The following SPOCK1 variants were observed in gnomAD, a reference collection of about 807,000 sequenced individuals.
SPOCK1 encodes SPARC (osteonectin), cwcv and kazal like domains proteoglycan 1.
In SPOCK1, 23 loss-of-function variants were observed where a neutral mutation model predicts 55.3. The ratio of observed to expected loss-of-function variants is 0.42; its 90% CI spans 0.30 to 0.59. The LOEUF (loss-of-function observed/expected upper bound fraction) is 0.59. SPOCK1 is among the 20% of genes least tolerant of loss of function. The pLI is 0.22. For missense variants in SPOCK1, 499 were observed against 552.5 expected (o/e 0.90, Z 0.97); for synonymous variants, 226 against 221.0 (o/e 1.02, Z -0.20).
At chr5:137,340,497 AAATAAG>A (rs1461382013) in intron 2 of SPOCK1, among the ~76,000 whole-genome samples, 1 of 152,206 alleles carries the variant, frequency 6.6e-6, no homozygotes, top group Non-Finnish European at 1.5e-5. Context: ...TGCACCTGTG[AAATAAG>A]AATAACTGTA....
At chr5:136,979,585 A>T in intron 9 of SPOCK1, 116 bp from the exon 10 acceptor site, 4 of 1,356,490 alleles carry the variant, frequency 2.9e-6, no homozygotes, top group Middle Eastern at 1.9e-4. Context: ...CAGGGTCAGC[A>T]GCAGAGGATG....
chr5:137,290,171 C>T (rs555362719), intron 2 of SPOCK1, among the ~76,000 whole-genome samples: 1 of 152,064 alleles, frequency 6.6e-6, no homozygotes, highest in African/African-American at 2.4e-5. Context: ...CAGAAATACT[C>T]AAAATTACCC....
At chr5:136,993,801 A>G (rs1296738570) in intron 6 of SPOCK1, among the ~76,000 whole-genome samples, 2 of 152,308 alleles carry the variant, frequency 1.3e-5, no homozygotes, top group Middle Eastern at 3.4e-3. Context: ...AGGGACAGTG[A>G]TGAAAAAGGA....
At chr5:137,020,016 A>C (rs67407292) in intron 6 of SPOCK1, among the ~76,000 whole-genome samples, 5,927 of 152,010 alleles carry the variant, frequency 0.039, 421 homozygotes, top group African/African-American at 0.14. Context: ...TATGCATGCC[A>C]AAATCTCTGG....
At position 137,035,601 on chromosome 5, in the gene SPOCK1, G is replaced by A. The variant is rs1751869119; in HGVS notation, c.589+32114C>T. Among the ~76,000 whole-genome samples, 3 of 152,110 alleles carry A rather than the reference G, an allele frequency of 2.0e-5. No individual in the cohort carries two copies. The South Asian group carries it at 6.2e-4, about 32-fold the overall frequency. Reference sequence around the variant, plus strand: ...TCTGCCAGACCATCCCTCAGGGTGGGGCTTCCAGTCTGAGACTCCTTGGAG... The same window carrying A: ...TCTGCCAGACCATCCCTCAGGGTGGAGCTTCCAGTCTGAGACTCCTTGGAG... On this transcript the variant is annotated intron_variant, in intron 6 of 10. Coordinates refer to ENST00000394945, the MANE Select transcript of SPOCK1 (RefSeq NM_004598.4).
At chr5:137,213,304 C>T (rs1388130693) in intron 3 of SPOCK1, among the ~76,000 whole-genome samples, 1 of 152,178 alleles carries the variant, frequency 6.6e-6, no homozygotes, top group African/African-American at 2.4e-5. Flanking sequence ...CCCGAGGTCA[C>T]ATAACAAGTA....
intron 6 of SPOCK1, among the ~76,000 whole-genome samples, chr5:137,008,628 A>T (rs1022914170): frequency 7.9e-5 from 12 of 152,178 alleles, no homozygotes; most frequent in Admixed American, 5.2e-4. Context: ...ACAGATAAGA[A>T]GGCAAATGCT....
intron 5 of SPOCK1, among the ~76,000 whole-genome samples, chr5:137,081,632 C>T (rs779012973): frequency 3.3e-5 from 5 of 152,142 alleles, no homozygotes; most frequent in Non-Finnish European, 5.9e-5. Context: ...CCAACAGAAA[C>T]GAAACCACAG....
intron 3 of SPOCK1, among the ~76,000 whole-genome samples, chr5:137,220,442 G>A (rs550623799): frequency 3.3e-5 from 5 of 152,282 alleles, no homozygotes; most frequent in Admixed American, 6.5e-5. Flanking sequence ...CACACGCAAG[G>A]AACTGTACTT....
chr5:137,435,801 A>ATT (rs71583280), intron 2 of SPOCK1, among the ~76,000 whole-genome samples: 28 of 149,058 alleles, frequency 1.9e-4, no homozygotes, highest in African/African-American at 2.7e-4. Flanking sequence ...TTTTTCTTAG[A>ATT]TTTTTTTTTT....
At chr5:136,992,924 A>G in intron 6 of SPOCK1, 1 of 218,698 alleles carries the variant, frequency 4.6e-6, no homozygotes, top group East Asian at 1.0e-4. Flanking sequence ...TGCTAACCGC[A>G]TAAAGCTTGC....
chr5:137,476,789 G>A (rs1184373006), intron 2 of SPOCK1, among the ~76,000 whole-genome samples: 1 of 152,144 alleles, frequency 6.6e-6, no homozygotes. Context: ...GCCAGGCATG[G>A]AGGCAGGTGT....
chr5:137,004,818 T>C (rs1007505055), intron 6 of SPOCK1, among the ~76,000 whole-genome samples: 10 of 152,086 alleles, frequency 6.6e-5, no homozygotes, highest in Non-Finnish European at 1.5e-4. Context: ...AAAAACACAA[T>C]GACCCAGCAA....
At chr5:137,074,817 T>G (rs1416989863) in intron 5 of SPOCK1, among the ~76,000 whole-genome samples, 3 of 151,822 alleles carry the variant, frequency 2.0e-5, no homozygotes, top group Non-Finnish European at 2.9e-5. Context: ...CCATTCTCCT[T>G]TCTCAGCCTC....
intron 4 of SPOCK1, among the ~76,000 whole-genome samples, chr5:137,137,644 A>G (rs989733176): frequency 4.6e-5 from 7 of 152,118 alleles, no homozygotes; most frequent in African/African-American, 1.4e-4. Context: ...CAGAAATCCC[A>G]TCATCTTCTT....
intron 3 of SPOCK1, among the ~76,000 whole-genome samples, chr5:137,141,938 G>C (rs552475449): frequency 6.6e-5 from 10 of 152,216 alleles, no homozygotes; most frequent in Non-Finnish European, 8.8e-5. Context: ...CTGAGCAGCA[G>C]GTCCTCAGCT....
At chr5:137,376,353 G>C (rs1275135864) in intron 2 of SPOCK1, among the ~76,000 whole-genome samples, 1 of 152,206 alleles carries the variant, frequency 6.6e-6, no homozygotes, top group Non-Finnish European at 1.5e-5. Flanking sequence ...CTATTAAAAG[G>C]GAAGCCGGCC....
chr5:137,301,065 C>T lies in SPOCK1; in HGVS notation c.187-34010G>A, dbSNP rs2127136572. Among the ~76,000 whole-genome samples the T allele has an allele frequency of 2.0e-5, 3 of 152,298 alleles. No homozygotes were observed. In the South Asian group the frequency reaches 6.2e-4, roughly 32 times the overall value. On this transcript the variant is annotated intron_variant, in intron 2 of 10. Coordinates refer to ENST00000394945, the MANE Select transcript of SPOCK1 (RefSeq NM_004598.4). ...AAACAGGGAAGAAACAGAGACATCC[C>T]TGGGAATCTTCTAGTCTCTTAACTG...
intron 6 of SPOCK1, among the ~76,000 whole-genome samples, chr5:137,056,612 T>C (rs539449776): frequency 2.1e-4 from 32 of 152,024 alleles, no homozygotes; most frequent in Admixed American, 4.6e-4. Context: ...TTTTTTAACT[T>C]AGTTTTTTTG....
Sources: allele counts gnomAD v4.1 joint callset (sites outside exome capture counted in the v4.1 genomes callset), GRCh38; gene constraint gnomAD v4.1.1; transcripts MANE v1.5; gene names NCBI Gene and HGNC (gene_info 2026-07-23, HGNC 2026-07-21).